Variants in ADAMTS17 observed in about 807,000 individuals in gnomAD.
ADAMTS17 encodes A disintegrin and metalloproteinase with thrombospondin motifs 17.
Under a neutral mutation model 141.5 loss-of-function variants are expected in ADAMTS17, and 113 were observed. The observed-to-expected ratio is 0.80, with a 90% CI of 0.69 to 0.93. The LOEUF is 0.93. Ranked by LOEUF, ADAMTS17 falls within the 40% of genes least tolerant of loss-of-function variation. ADAMTS17 has a pLI of 0.00. For synonymous variants in ADAMTS17, 768 were observed against 630.6 expected (o/e 1.22, Z -3.27); for missense variants, 1,659 against 1,517.9 (o/e 1.09, Z -1.54).
intron 8 of ADAMTS17, among the ~76,000 whole-genome samples, chr15:100,180,664 T>C (rs2040492737): frequency 6.6e-6 from 1 of 152,246 alleles, no homozygotes; most frequent in East Asian, 1.9e-4. Context: ...TGAATATCTT[T>C]CCATTTTTTT....
chr15:100,304,448 G>A (rs997384470), intron 3 of ADAMTS17, among the ~76,000 whole-genome samples: 8 of 152,170 alleles, frequency 5.3e-5, no homozygotes, highest in African/African-American at 1.4e-4. Flanking sequence ...CTACAACACA[G>A]TAAGCCTTTT....
chr15:100,093,060 T>C (rs1211962304), intron 15 of ADAMTS17, among the ~76,000 whole-genome samples: 1 of 152,216 alleles, frequency 6.6e-6, no homozygotes, highest in Non-Finnish European at 1.5e-5. Context: ...AAAAGCAATA[T>C]GATAGCCAAG....
intron 3 of ADAMTS17, among the ~76,000 whole-genome samples, chr15:100,293,427 C>T (rs532699022): frequency 1.3e-4 from 20 of 152,302 alleles, no homozygotes; most frequent in East Asian, 3.9e-4. Context: ...TTACATAGAA[C>T]GTGTGGATGG....
At chr15:100,211,139 T>TAAATAAATTAAA (rs1418716333) in intron 7 of ADAMTS17, among the ~76,000 whole-genome samples, 1 of 141,316 alleles carries the variant, frequency 7.1e-6, no homozygotes, top group Non-Finnish European at 1.5e-5. Flanking sequence ...AATAAATAAA[T>TAAATAAATTAAA]AAAAATACAA....
intron 3 of ADAMTS17, among the ~76,000 whole-genome samples, chr15:100,301,383 G>A (rs753849034): frequency 5.3e-5 from 8 of 151,688 alleles, no homozygotes; most frequent in Non-Finnish European, 1.0e-4. Context: ...GAAGTGCAGT[G>A]GTGTAATCTC....
rs747651640 is a variant in ADAMTS17 at position 100,063,773 on chromosome 15, C to G, written c.2138-9719G>C. On this transcript the variant is annotated intron_variant, in intron 15 of 21. Transcript: ENST00000268070. ...CTTCGATATAACCTGTAGCAACAAA[C>G]GACACAGAAGTAAACCACACCTCCA... The G allele has an allele frequency of 1.5e-5, 19 of 1,289,308 alleles. No individual in the cohort carries two copies. The African/African-American group carries it at 2.6e-4, about 18-fold the overall frequency. The allele number at this position is 1,289,308 out of a possible 1,614,324, so 79.9% of individuals were successfully genotyped here.
At chr15:100,153,967 G>A (rs912324439) in intron 9 of ADAMTS17, among the ~76,000 whole-genome samples, 1 of 152,174 alleles carries the variant, frequency 6.6e-6, no homozygotes, top group Non-Finnish European at 1.5e-5. Context: ...GATCACCTCG[G>A]ATCAGGAGTT....
intron 3 of ADAMTS17, among the ~76,000 whole-genome samples, chr15:100,285,377 A>T (rs1216409525): frequency 1.3e-5 from 2 of 152,272 alleles, no homozygotes; most frequent in Non-Finnish European, 2.9e-5. Context: ...CTGAAAAAAT[A>T]AAAACAACAA....
At chr15:99,990,328 G>A (rs1370322559) in intron 20 of ADAMTS17, among the ~76,000 whole-genome samples, 1 of 152,088 alleles carries the variant, frequency 6.6e-6, no homozygotes, top group Non-Finnish European at 1.5e-5. Context: ...GAGCCACCAC[G>A]CCCAGCCAAA....
intron 4 of ADAMTS17, among the ~76,000 whole-genome samples, chr15:100,269,706 G>C (rs55637185): frequency 0.063 from 9,653 of 152,182 alleles, 355 homozygotes; most frequent in Non-Finnish European, 0.085. Flanking sequence ...AGCGGCAGCA[G>C]GAATCCAGCC....
At chr15:100,281,042 G>A (rs2142078096) in intron 4 of ADAMTS17, among the ~76,000 whole-genome samples, 187 bp downstream of exon 4, 1 of 152,294 alleles carries the variant, frequency 6.6e-6, no homozygotes, top group East Asian at 1.9e-4. Context: ...GAGGGCAGGT[G>A]CTCTTCCATC....
intron 15 of ADAMTS17, among the ~76,000 whole-genome samples, chr15:100,061,620 T>C (rs773612933): frequency 1.3e-5 from 2 of 152,184 alleles, no homozygotes; most frequent in African/African-American, 2.4e-5. Context: ...TCCTCTGTCA[T>C]TCTAAAATTA....
At chr15:100,313,012 G>C (rs1053419690) in intron 3 of ADAMTS17, among the ~76,000 whole-genome samples, 3 of 152,170 alleles carry the variant, frequency 2.0e-5, no homozygotes, top group Non-Finnish European at 2.9e-5. Flanking sequence ...TTTCACGGAA[G>C]AAAGGGAGAA....
At chr15:100,128,818 G>A in intron 12 of ADAMTS17, 1 of 152,368 alleles carries the variant, frequency 6.6e-6, no homozygotes. Flanking sequence ...AAATGCCCCT[G>A]TGGTATCCCA....
chr15:100,018,428 G>A (rs2061335225), intron 18 of ADAMTS17, among the ~76,000 whole-genome samples: 1 of 152,156 alleles, frequency 6.6e-6, no homozygotes, highest in Non-Finnish European at 1.5e-5. Flanking sequence ...TTGGAGGAGG[G>A]GCCTGGTGGG....
intron 20 of ADAMTS17, chr15:99,979,262 A>G (rs2141278183): frequency 6.6e-6 from 1 of 152,004 alleles, no homozygotes; most frequent in Admixed American, 6.6e-5. Flanking sequence ...GGTGGCGTGC[A>G]CCTGTAATCC....
intron 12 of ADAMTS17, among the ~76,000 whole-genome samples, chr15:100,124,984 C>G (rs369166354): frequency 5.3e-5 from 8 of 152,286 alleles, no homozygotes; most frequent in African/African-American, 1.9e-4. Context: ...TCAAGAGAGG[C>G]TGGAAGAGAA....
intron 10 of ADAMTS17, among the ~76,000 whole-genome samples, chr15:100,140,484 C>CATATATATATATAT (rs1164353969): frequency 2.6e-3 from 107 of 40,856 alleles, no homozygotes; most frequent in South Asian, 8.0e-3. Context: ...CACACACATA[C>CATATATATATATAT]ATACATATAT....
intron 10 of ADAMTS17, among the ~76,000 whole-genome samples, chr15:100,136,544 C>T (rs761934895): frequency 6.6e-6 from 1 of 152,222 alleles, no homozygotes; most frequent in Non-Finnish European, 1.5e-5. Flanking sequence ...TGACAAAGTG[C>T]TCAGGTTCCT....
Sources: allele counts gnomAD v4.1 joint callset (sites outside exome capture counted in the v4.1 genomes callset), GRCh38; gene constraint gnomAD v4.1.1; transcripts MANE v1.5; gene names NCBI Gene and HGNC (gene_info 2026-07-23, HGNC 2026-07-21).